The following PCDHA5 variants were observed in gnomAD, a reference collection of about 807,000 sequenced individuals.
The protein encoded by PCDHA5 is protocadherin alpha 5, also known as protocadherin alpha-5.
Under a neutral mutation model 61.6 loss-of-function variants are expected in PCDHA5, and 43 were observed. The ratio of observed to expected loss-of-function variants is 0.70; its 90% CI spans 0.55 to 0.90. The LOEUF (loss-of-function observed/expected upper bound fraction) is 0.90, where lower values mean the gene tolerates loss of function less well. Among genes scored for constraint, PCDHA5 ranks in the 40% least tolerant of loss-of-function variants. The pLI is 0.00. For missense variants in PCDHA5, 1,298 were observed against 1,222.7 expected (o/e 1.06, Z -0.92); for synonymous variants, 627 against 543.9 (o/e 1.15, Z -2.13).
chr5:140,882,788 C>T, intron 1 of PCDHA5: 1 of 1,614,216 alleles, frequency 6.2e-7, no homozygotes, highest in East Asian at 2.2e-5. Context: ...CCGACTGGAT[C>T]CCAACGATTA....
rs567582281 is a variant in PCDHA5 at position 140,946,595 on chromosome 5, G to C, written c.2353-32354G>C. ...CTTAGGTGTTCATAGTGGATGAATA[G>C]ATAAAGAAAATGTGAAATATATATA... On this transcript the variant is annotated intron_variant, in intron 1 of 3. Transcript: ENST00000529859. Among the ~76,000 whole-genome samples, 13 of 108,580 alleles carry C rather than the reference G, an allele frequency of 1.2e-4. No homozygotes were observed. In the South Asian group the frequency reaches 1.5e-3, roughly 12 times the overall value. 71.2% of individuals were successfully genotyped at this position (108,580 alleles called of 152,430 possible).
At chr5:140,950,112 A>G (rs1263517017) in intron 1 of PCDHA5, among the ~76,000 whole-genome samples, 3 of 151,944 alleles carry the variant, frequency 2.0e-5, no homozygotes, top group Non-Finnish European at 4.4e-5. Context: ...ATCTCATACA[A>G]TACAAAACCC....
intron 1 of PCDHA5, chr5:140,966,989 G>A: frequency 5.0e-6 from 8 of 1,604,148 alleles, no homozygotes; most frequent in Non-Finnish European, 6.8e-6. Context: ...CTTGGGGCCG[G>A]GTTGCTTGCG....
At chr5:140,957,895 A>G (rs1169291586) in intron 1 of PCDHA5, among the ~76,000 whole-genome samples, 1 of 152,118 alleles carries the variant, frequency 6.6e-6, no homozygotes, top group African/African-American at 2.4e-5. Flanking sequence ...GTTGGCATCA[A>G]CCAAGGCATA....
chr5:140,988,847 C>A (rs2097315589), intron 3 of PCDHA5: 1 of 152,186 alleles, frequency 6.6e-6, no homozygotes, highest in African/African-American at 2.4e-5. Context: ...CTCCTGAAAC[C>A]TATCCAGTCT....
chr5:140,940,158 C>T (rs1159450232), intron 1 of PCDHA5, among the ~76,000 whole-genome samples: 3 of 151,970 alleles, frequency 2.0e-5, no homozygotes, highest in African/African-American at 7.3e-5. Context: ...TTTTTGTTTG[C>T]CTGAAATGTC....
intron 1 of PCDHA5, chr5:140,927,681 G>A: frequency 6.2e-7 from 1 of 1,614,180 alleles, no homozygotes; most frequent in Non-Finnish European, 8.5e-7. Flanking sequence ...CAGATGAAGG[G>A]TCCAATGGGG....
At position 140,829,914 on chromosome 5, in the gene PCDHA5, C is replaced by G. The variant is rs2150177647; in HGVS notation, c.2352+5787C>G. ...GACTCAGGCTACAACGCGTGGCTTT[C>G]GTATGAGCTGCAGCCCCCGGCAAGC... On this transcript the variant is annotated intron_variant, in intron 1 of 3. Coordinates refer to ENST00000529859, the MANE Select transcript of PCDHA5 (RefSeq NM_018908.3). The G allele has an allele frequency of 6.2e-7, 1 of 1,613,998 alleles. No homozygotes were observed.
At chr5:140,990,318 A>C (rs2097387548) in intron 3 of PCDHA5, among the ~76,000 whole-genome samples, 1 of 152,054 alleles carries the variant, frequency 6.6e-6, no homozygotes, top group Admixed American at 6.5e-5. Context: ...AACCAACCAA[A>C]CAAACTTTAA....
chr5:140,869,997 T>C (rs782075585), intron 1 of PCDHA5: 23 of 1,613,172 alleles, frequency 1.4e-5, no homozygotes, highest in Non-Finnish European at 2.5e-6. Context: ...ATCAAAATAA[T>C]GGAGAAGTGA....
chr5:140,848,333 CAG>C, intron 1 of PCDHA5: 1 of 843,614 alleles, frequency 1.2e-6, no homozygotes, highest in African/African-American at 1.7e-5. Flanking sequence ...TCTCTGAATC[CAG>C]ACAAATACAG....
Position 140,841,491 on chromosome 5 carries a change from C to A in PCDHA5, c.2352+17364C>A, listed in dbSNP as rs2150316592. The stretch of plus-strand genomic sequence containing the variant: ...GCGCAGGACCTGGGGCTGGAGCTGG[C>A]GGAGCTGGTGCCGCGCCTGTTCCGG... On this transcript the variant is annotated intron_variant, in intron 1 of 3. Coordinates refer to ENST00000529859, the MANE Select transcript of PCDHA5 (RefSeq NM_018908.3). 2.8e-5 allele frequency: 45 copies of A among 1,612,948 alleles called. No individual in the cohort carries two copies. Among genetic ancestry groups the A allele is most frequent in the African/African-American group, 1.5e-4 (11 of 74,822 alleles).
At position 140,924,017 on chromosome 5, in the gene PCDHA5, T is replaced by C. The variant is rs2081624736; in HGVS notation, c.2353-54932T>C. Among the ~76,000 whole-genome samples, 3 of 152,218 alleles carry C rather than the reference T, an allele frequency of 2.0e-5. No individual in the cohort carries two copies. In the South Asian group the frequency reaches 6.2e-4, roughly 32 times the overall value. On this transcript the variant is annotated intron_variant, in intron 1 of 3. Transcript: ENST00000529859. ...CTCAGAATTCCTAAACCTGGTATAA[T>C]TGGAGGCATGGCTGCAGACCTAAAA...
At chr5:140,848,934 C>A in intron 1 of PCDHA5, 1 of 1,607,578 alleles carries the variant, frequency 6.2e-7, no homozygotes, top group Non-Finnish European at 8.5e-7. Context: ...GGAATCCAGG[C>A]CGCTTGACTC....
At chr5:140,967,884 C>T (rs2096194386) in intron 1 of PCDHA5, 2 of 1,614,050 alleles carry the variant, frequency 1.2e-6, no homozygotes, top group African/African-American at 1.3e-5. Context: ...CTGTATAGCC[C>T]AGTGCCTGAG....
At chr5:140,852,188 C>A in intron 1 of PCDHA5, 1 of 732,160 alleles carries the variant, frequency 1.4e-6, no homozygotes, top group Non-Finnish European at 1.7e-6. Flanking sequence ...TATGAAAATG[C>A]CAGTAACGTT....
rs1472769366 is a variant in PCDHA5, at chr5:140,928,640, T to C, written c.2353-50309T>C. On this transcript the variant is annotated intron_variant, in intron 1 of 3. Transcript: ENST00000529859. ...AGGACTGGACACTTGGTCACAAAAG[T>C]GGTAGCAGAGGATGCTGACAGTGGT... The C allele has an allele frequency of 1.2e-6, 2 of 1,614,096 alleles. No individual in the cohort carries two copies. Among genetic ancestry groups the C allele is most frequent in the African/African-American group, 2.7e-5 (2 of 74,930 alleles).
chr5:140,869,541 G>A (rs1554163213), intron 1 of PCDHA5: 1 of 1,614,204 alleles, frequency 6.2e-7, no homozygotes, highest in East Asian at 2.2e-5. Flanking sequence ...CGGAATCTAA[G>A]CAATCGGACT....
chr5:140,977,482 A>G lies in PCDHA5; in HGVS notation c.2353-1467A>G, dbSNP rs3776112. ...TTTGGTCTGTAGATAATTTTATGCTATGTTATATGGAATATCCACAGCATT... is the reference window on the plus strand; with the variant it reads ...TTTGGTCTGTAGATAATTTTATGCTGTGTTATATGGAATATCCACAGCATT... On this transcript the variant is annotated intron_variant, in intron 1 of 3. Coordinates refer to ENST00000529859, the MANE Select transcript of PCDHA5 (RefSeq NM_018908.3). Among the ~76,000 whole-genome samples the G allele has an allele frequency of 3.0e-4, 46 of 152,350 alleles. No homozygotes were observed. The East Asian group carries it at 5.4e-3, about 18-fold the overall frequency.
Sources: gnomAD v4.1 joint callset for allele counts (sites outside exome capture counted in the v4.1 genomes callset) on GRCh38, gnomAD v4.1.1 for gene constraint, MANE v1.5 for transcripts, NCBI Gene and HGNC (gene_info 2026-07-23, HGNC 2026-07-21) for gene names.